ZCCHC14: variants seen among roughly 807,000 people sequenced by gnomAD.
The protein encoded by ZCCHC14 is zinc finger CCHC-type containing 14, also known as zinc finger CCHC domain-containing protein 14.
In ZCCHC14, 16 loss-of-function variants were observed where a neutral mutation model predicts 85.0. That is an observed-to-expected ratio of 0.19 (90% CI 0.13 to 0.29). The LOEUF is 0.29. ZCCHC14 is among the 10% of genes least tolerant of loss of function. The pLI is 1.00. For missense variants in ZCCHC14, 1,303 were observed against 1,443.5 expected (o/e 0.90, Z 1.58); for synonymous variants, 775 against 630.7 (o/e 1.23, Z -3.43).
intron 3 of ZCCHC14, among the ~76,000 whole-genome samples, chr16:87,428,040 A>G (rs1909464814): frequency 6.6e-6 from 1 of 151,002 alleles, no homozygotes; most frequent in African/African-American, 2.4e-5. Flanking sequence ...AGCTGCCTAC[A>G]TGCTGACTTT....
chr16:87,421,747 G>C (rs1300420259), intron 4 of ZCCHC14, among the ~76,000 whole-genome samples: 5 of 152,166 alleles, frequency 3.3e-5, no homozygotes, highest in Non-Finnish European at 7.4e-5. Context: ...GAGAGGCCCT[G>C]AGGGTAACAG....
chr16:87,460,619 G>A (rs563751007), intron 1 of ZCCHC14, among the ~76,000 whole-genome samples: 5 of 152,150 alleles, frequency 3.3e-5, no homozygotes, highest in African/African-American at 1.2e-4. Flanking sequence ...GAACCCAGGA[G>A]GCAGGGGCTG....
At chr16:87,463,387 C>T (rs1237315316) in intron 1 of ZCCHC14, among the ~76,000 whole-genome samples, 1 of 152,156 alleles carries the variant, frequency 6.6e-6, no homozygotes, top group Non-Finnish European at 1.5e-5. Context: ...CTCAAGAAAA[C>T]AAAAGAAATA....
At chr16:87,431,287 C>T (rs940888714) in intron 3 of ZCCHC14, among the ~76,000 whole-genome samples, 2 of 151,952 alleles carry the variant, frequency 1.3e-5, no homozygotes, top group African/African-American at 2.4e-5. Flanking sequence ...TCCTGGCTAA[C>T]ATGGTGAAAC....
In ZCCHC14 at chr16:87,420,768, G is replaced by C. The variant is rs1203280163; in HGVS notation, c.841-52C>G. On this transcript the variant is annotated intron_variant, in intron 4 of 12. Transcript: ENST00000671377. This position sits in a 1 kb window ranked among gnomAD's most constrained non-coding sequence, Gnocchi z 5.0. ...GTGTGTCCAGACCCATCCAACACCAGCAGAATTCTGCTACTGCAGGAAAAC... is the reference window on the plus strand; with the variant it reads ...GTGTGTCCAGACCCATCCAACACCACCAGAATTCTGCTACTGCAGGAAAAC... 3 of 1,467,484 alleles carry C rather than the reference G, an allele frequency of 2.0e-6. No individual in the cohort carries two copies. Among genetic ancestry groups the C allele is most frequent in the Admixed American group, 4.3e-5 (2 of 46,972 alleles). 90.9% of individuals were successfully genotyped at this position (1,467,484 alleles called of 1,614,324 possible). A position where few individuals can be genotyped will look rare whatever the true frequency, so the allele number is the denominator to read the frequency against.
intron 2 of ZCCHC14, among the ~76,000 whole-genome samples, chr16:87,454,691 G>C (rs1567530937): frequency 6.6e-6 from 1 of 152,200 alleles, no homozygotes; most frequent in Non-Finnish European, 1.5e-5. Flanking sequence ...AAGAGCAGTG[G>C]GAATAGTAAA....
rs1185729867 is a variant in ZCCHC14 at position 87,492,200 on chromosome 16, C to G, written c.39G>C (p.Val13=). 2 of 984,826 alleles carry G rather than the reference C, an allele frequency of 2.0e-6. No homozygotes were observed. The highest frequency in any genetic ancestry group is 2.4e-6 in the Non-Finnish European group (2 of 829,788). 61.0% of individuals were successfully genotyped at this position (984,826 alleles called of 1,614,324 possible). Residue 13 remains valine, a synonymous_variant, in exon 1 of 13, where the codon GTG becomes GTC. Transcript: ENST00000671377. This position sits in a 1 kb window ranked among gnomAD's most constrained non-coding sequence, Gnocchi z 6.7. ...ACGGCAGCTCCGAGAACCAGCGGTA[C>G]ACGCCGTCCCTCTGCAGCGGGCAGC... ...EKRCPLQRDG[V]YRWFSELPSP... is the part of the protein sequence containing the mutation.
At chr16:87,413,923 A>C (rs1023246050) in intron 10 of ZCCHC14, among the ~76,000 whole-genome samples, 2 of 152,234 alleles carry the variant, frequency 1.3e-5, no homozygotes, top group African/African-American at 4.8e-5. Context: ...AAGCAACTTC[A>C]GGGAGGTGAC....
At chr16:87,474,739 G>T (rs370234448) in intron 1 of ZCCHC14, among the ~76,000 whole-genome samples, 1 of 152,296 alleles carries the variant, frequency 6.6e-6, no homozygotes, top group African/African-American at 2.4e-5. Context: ...TCTGGTAGAT[G>T]ATCGCAGCTG....
intron 4 of ZCCHC14, among the ~76,000 whole-genome samples, chr16:87,421,124 G>GA (rs897574523): frequency 2.6e-5 from 4 of 152,256 alleles, no homozygotes; most frequent in Admixed American, 6.5e-5. Flanking sequence ...GTGGCCAACA[G>GA]AAATGCCGGA....
At chr16:87,426,124 G>A (rs1187330071) in intron 3 of ZCCHC14, among the ~76,000 whole-genome samples, 1 of 151,834 alleles carries the variant, frequency 6.6e-6, no homozygotes, top group Non-Finnish European at 1.5e-5. Flanking sequence ...CATGTCGCTC[G>A]CTCTGCAGGT....
At chr16:87,441,340 C>T (rs557676424) in intron 2 of ZCCHC14, among the ~76,000 whole-genome samples, 23 of 152,328 alleles carry the variant, frequency 1.5e-4, no homozygotes, top group African/African-American at 5.5e-4. Context: ...AATAGAGTCA[C>T]CTACATTATC....
chr16:87,433,255 T>C (rs1909752743), intron 2 of ZCCHC14, 54 bp from the exon 3 acceptor site: 4 of 1,525,226 alleles, frequency 2.6e-6, no homozygotes, highest in African/African-American at 2.7e-5. Flanking sequence ...AGTATATACA[T>C]GATTATTTAG....
intron 2 of ZCCHC14, among the ~76,000 whole-genome samples, chr16:87,452,251 G>C (rs79646222): frequency 1.6e-3 from 251 of 152,366 alleles, no homozygotes; most frequent in African/African-American, 5.8e-3. Context: ...TTCGCTCTAA[G>C]CACTCGAATG....
rs1912805181 is a variant in ZCCHC14 at position 87,492,326 on chromosome 16, G to A, written c.-88C>T. The stretch of plus-strand genomic sequence containing the variant: ...CCGGGGGCCGCGGCCGGGGCGCGCC[G>A]GGACCGGGGACGCGCGGGCCGGGGC... On this transcript the variant is annotated 5_prime_UTR_variant, in exon 1 of 13. Transcript: ENST00000671377. This position sits in a 1 kb window ranked among gnomAD's most constrained non-coding sequence, Gnocchi z 6.7. The A allele has an allele frequency of 2.0e-6, 1 of 507,434 alleles. No homozygotes were observed. The highest frequency in any genetic ancestry group is 2.5e-6 in the Non-Finnish European group (1 of 397,592). The allele number at this position is 507,434 out of a possible 1,614,324, so 31.4% of individuals were successfully genotyped here.
intron 1 of ZCCHC14, among the ~76,000 whole-genome samples, chr16:87,465,547 T>C (rs1046742859): frequency 3.9e-5 from 6 of 152,110 alleles, no homozygotes; most frequent in Non-Finnish European, 8.8e-5. Context: ...TGGCCACACA[T>C]CTAGGGGCAC....
At chr16:87,433,008 C>T (rs1909739127) in intron 3 of ZCCHC14, 120 bp downstream of exon 3, 4 of 863,970 alleles carry the variant, frequency 4.6e-6, no homozygotes, top group Non-Finnish European at 4.9e-6. Flanking sequence ...GCTTCCTATA[C>T]AGCACTGGCA....
chr16:87,414,626 A>ACCACAGGG, intron 9 of ZCCHC14, 85 bp from the exon 10 acceptor site: 1 of 1,500,286 alleles, frequency 6.7e-7, no homozygotes, highest in Non-Finnish European at 8.9e-7. Context: ...TCTACTCCAC[A>ACCACAGGG]CCACAGGGCG....
At chr16:87,462,895 C>T (rs1032787038) in intron 1 of ZCCHC14, among the ~76,000 whole-genome samples, 1 of 151,606 alleles carries the variant, frequency 6.6e-6, no homozygotes, top group Non-Finnish European at 1.5e-5. Context: ...CATGGTGAAA[C>T]CCGTCTCTAC....
Sources: gnomAD v4.1 joint callset for allele counts (sites outside exome capture counted in the v4.1 genomes callset) on GRCh38, gnomAD v4.1.1 for gene constraint, Gnocchi (gnomAD v3.1) non-coding constraint, MANE v1.5 for transcripts, NCBI Gene and HGNC (gene_info 2026-07-23, HGNC 2026-07-21) for gene names.